SLC15A1: variants seen among roughly 807,000 people sequenced by gnomAD.
SLC15A1 encodes solute carrier family 15 member 1.
Under a neutral mutation model 92.9 loss-of-function variants are expected in SLC15A1, and 83 were observed. That is an observed-to-expected ratio of 0.89 (90% CI 0.75 to 1.07). The LOEUF (loss-of-function observed/expected upper bound fraction) is 1.07, where lower values mean the gene tolerates loss of function less well. SLC15A1 is among the 50% of genes least tolerant of loss of function. The probability of loss-of-function intolerance (pLI) is 0.00; values close to 1 mark genes in which losing one functional copy is unlikely to be tolerated. For synonymous variants in SLC15A1, 322 were observed against 318.2 expected, an observed-to-expected ratio of 1.01 and a Z score of -0.13; for missense variants, 857 against 880.1, an observed-to-expected ratio of 0.97 and a Z score of 0.33.
At chr13:98,730,420 C>T (rs1180679053) in intron 1 of SLC15A1, among the ~76,000 whole-genome samples, 8 of 152,310 alleles carry the variant, frequency 5.3e-5, no homozygotes, top group Non-Finnish European at 7.4e-5. Context: ...GAGATTCCTC[C>T]GCACGAATAA....
intron 11 of SLC15A1, among the ~76,000 whole-genome samples, chr13:98,710,722 C>T (rs548668143): frequency 1.4e-5 from 2 of 144,062 alleles, no homozygotes; most frequent in Non-Finnish European, 3.0e-5. Context: ...GCAGGAGAAT[C>T]GCTTGAACTT....
At chr13:98,722,896 A>G (rs2088271238) in intron 5 of SLC15A1, among the ~76,000 whole-genome samples, 1 of 152,188 alleles carries the variant, frequency 6.6e-6, no homozygotes, top group Non-Finnish European at 1.5e-5. Flanking sequence ...TGAAAAGCTA[A>G]TATTTCTTGA....
intron 15 of SLC15A1, among the ~76,000 whole-genome samples, chr13:98,706,843 T>C (rs2088116916): frequency 6.6e-6 from 1 of 152,188 alleles, no homozygotes; most frequent in Admixed American, 6.5e-5. Flanking sequence ...GCTCTTATCT[T>C]ATCTAGCCAC....
chr13:98,689,203 G>C (rs1339206233), intron 18 of SLC15A1, among the ~76,000 whole-genome samples: 2 of 152,232 alleles, frequency 1.3e-5, no homozygotes, highest in African/African-American at 4.8e-5. Context: ...GCCTCCCAAA[G>C]TGCTGGGATT....
Position 98,737,110 on chromosome 13 carries a change from T to C in SLC15A1, c.5-10251A>G, listed in dbSNP as rs146136012. 2.6e-3 allele frequency among the ~76,000 whole-genome samples: 392 copies of C among 152,326 alleles called. 5 individuals carry two copies. Among genetic ancestry groups the C allele is most frequent in the African/African-American group, 9.0e-3 (376 of 41,556 alleles). Reference sequence around the variant, plus strand: ...AACCAACCCAAATGTCCATCAATGATAGACTGGATTAAGAAAATGTGGCAT... The same window carrying C: ...AACCAACCCAAATGTCCATCAATGACAGACTGGATTAAGAAAATGTGGCAT... On this transcript the variant is annotated intron_variant, in intron 1 of 22. Transcript: ENST00000376503.
intron 15 of SLC15A1, 23 bp downstream of exon 15, chr13:98,708,663 G>T: frequency 6.2e-7 from 1 of 1,601,786 alleles, no homozygotes. Flanking sequence ...GAAAGGACAT[G>T]GGAGAACCAG....
At chr13:98,717,410 G>C (rs941373621) in intron 8 of SLC15A1, among the ~76,000 whole-genome samples, 2 of 152,174 alleles carry the variant, frequency 1.3e-5, no homozygotes, top group African/African-American at 4.8e-5. Flanking sequence ...GGAATTTCTA[G>C]AGGCAGTGTT....
chr13:98,750,029 A>C (rs2088529909), intron 1 of SLC15A1, among the ~76,000 whole-genome samples: 1 of 151,962 alleles, frequency 6.6e-6, no homozygotes, highest in African/African-American at 2.4e-5. Flanking sequence ...ACTGTCGACC[A>C]CTGCTTTAAA....
At chr13:98,709,493 G>T in intron 14 of SLC15A1, 79 bp downstream of exon 14, 1 of 1,147,748 alleles carries the variant, frequency 8.7e-7, no homozygotes, top group Non-Finnish European at 1.3e-6. Flanking sequence ...TGCGGGAAGG[G>T]CTGCAGGCTG....
intron 7 of SLC15A1, chr13:98,720,931 T>C (rs2088252278): frequency 2.8e-6 from 1 of 352,696 alleles, no homozygotes; most frequent in South Asian, 2.2e-5. Context: ...AGGCGCCTGT[T>C]GTCCCAGCTA....
intron 1 of SLC15A1, among the ~76,000 whole-genome samples, chr13:98,743,896 C>A (rs1429500700): frequency 1.3e-5 from 2 of 152,080 alleles, no homozygotes; most frequent in East Asian, 1.9e-4. Context: ...GGAGAGAACA[C>A]AAAGGGAAGC....
intron 1 of SLC15A1, among the ~76,000 whole-genome samples, chr13:98,750,815 C>A (rs1188143595): frequency 6.6e-6 from 1 of 151,364 alleles, no homozygotes; most frequent in Non-Finnish European, 1.5e-5. Context: ...GCGGTGGCAC[C>A]ACGTTGGCTC....
intron 18 of SLC15A1, among the ~76,000 whole-genome samples, chr13:98,697,865 T>C (rs2088035884): frequency 1.3e-5 from 2 of 152,102 alleles, no homozygotes; most frequent in Admixed American, 6.6e-5. Flanking sequence ...CAGTGAAAAA[T>C]TCTACCAGGA....
rs1373282192 is a variant in SLC15A1 at position 98,684,613 on chromosome 13, C to T, written c.*111G>A. On this transcript the variant is annotated 3_prime_UTR_variant, in exon 23 of 23. Transcript: ENST00000376503. ...AAAATAGCATTCATGGTTTAGTTCCCAATTCTGAAGTCTTCCTCATCAGGG... is the reference window on the plus strand; with the variant it reads ...AAAATAGCATTCATGGTTTAGTTCCTAATTCTGAAGTCTTCCTCATCAGGG... 6 of 665,978 alleles carry T rather than the reference C, an allele frequency of 9.0e-6. No individual in the cohort carries two copies. Among genetic ancestry groups the T allele is most frequent in the Non-Finnish European group, 1.5e-5 (6 of 395,730 alleles). 41.3% of individuals were successfully genotyped at this position (665,978 alleles called of 1,614,324 possible). A position where few individuals can be genotyped will look rare whatever the true frequency, so the allele number is the denominator to read the frequency against.
At chr13:98,706,956 C>T (rs757625033) in intron 15 of SLC15A1, among the ~76,000 whole-genome samples, 7 of 152,162 alleles carry the variant, frequency 4.6e-5, no homozygotes, top group South Asian at 4.1e-4. Context: ...TGAGATCTAC[C>T]GTCACCCGAC....
chr13:98,716,184 A>G (rs1006134403), intron 8 of SLC15A1, among the ~76,000 whole-genome samples: 1 of 152,196 alleles, frequency 6.6e-6, no homozygotes, highest in African/African-American at 2.4e-5. Context: ...TGCAACCTGT[A>G]AGCCTAATAT....
rs540369752 is a variant in SLC15A1, at chr13:98,746,369, T to A, written c.4+6226A>T. Among the ~76,000 whole-genome samples the A allele has an allele frequency of 6.2e-4, 94 of 152,318 alleles. 1 individual carries two copies. In the South Asian group the frequency reaches 0.013, roughly 21 times the overall value. On this transcript the variant is annotated intron_variant, in intron 1 of 22. Coordinates refer to ENST00000376503, the MANE Select transcript of SLC15A1 (RefSeq NM_005073.4). ...GTCTTTATGGTAGAATGATTTATAT[T>A]TTTTTGGGTATATACCCCGTAATGG... is the stretch of plus-strand genomic sequence containing the variant.
At position 98,751,826 on chromosome 13, in the gene SLC15A1, A is replaced by G. The variant is rs571919024; in HGVS notation, c.4+769T>C. Among the ~76,000 whole-genome samples, 761 of 152,340 alleles carry G rather than the reference A, an allele frequency of 5.0e-3. 8 individuals are homozygous for G. The highest frequency in any genetic ancestry group is 0.011 in the Admixed American group (174 of 15,304). On this transcript the variant is annotated intron_variant, in intron 1 of 22. Transcript: ENST00000376503. ...TCAACAACGTGGCCACATCTTCTGC[A>G]AAATGCTGGCCGGGGGCATCCATGG... is the stretch of plus-strand genomic sequence containing the variant.
chr13:98,743,435 C>A (rs1362771275), intron 1 of SLC15A1, among the ~76,000 whole-genome samples: 1 of 152,176 alleles, frequency 6.6e-6, no homozygotes, highest in Admixed American at 6.5e-5. Context: ...AATCTTTGAA[C>A]GCCATTCCTG....
Sources: allele counts gnomAD v4.1 joint callset (sites outside exome capture counted in the v4.1 genomes callset), GRCh38; gene constraint gnomAD v4.1.1; transcripts MANE v1.5; gene names NCBI Gene and HGNC (gene_info 2026-07-23, HGNC 2026-07-21).